NCKAP1L: variants seen among roughly 807,000 people sequenced by gnomAD.
NCKAP1L encodes NCK associated protein 1 like, also known as nck-associated protein 1-like.
Under a neutral mutation model 139.2 loss-of-function variants are expected in NCKAP1L, and 53 were observed. That is an observed-to-expected ratio of 0.38 (90% CI 0.31 to 0.48). The LOEUF is 0.48. Among genes scored for constraint, NCKAP1L ranks in the 20% least tolerant of loss-of-function variants. NCKAP1L has a pLI of 0.98. For missense variants in NCKAP1L, 1,151 were observed against 1,381.9 expected (o/e 0.83, Z 2.65); for synonymous variants, 468 against 499.7 (o/e 0.94, Z 0.85).
Position 54,526,600 on chromosome 12 carries a change from A to C in NCKAP1L, c.2229A>C (p.Gly743=). The part of the protein sequence containing the change: ...EIVRPSELLA[G]VKAYIGFIQS... ...TACGGCCTTCTGAGCTGTTGGCAGG[A>C]GTCAAAGCATACATTGGTTTCATAC... The change falls in exon 21 of 31, where the codon GGA becomes GGC. Residue 743 remains glycine (G), a synonymous_variant. Transcript: ENST00000293373. The C allele has an allele frequency of 6.2e-7, 1 of 1,613,996 alleles. No homozygotes were observed. The highest frequency in any genetic ancestry group is 8.5e-7 in the Non-Finnish European group (1 of 1,180,000).
At chr12:54,523,025 T>C (rs980238940) in intron 18 of NCKAP1L, among the ~76,000 whole-genome samples, 2 of 152,180 alleles carry the variant, frequency 1.3e-5, no homozygotes, top group African/African-American at 2.4e-5. Flanking sequence ...AAATAACTGT[T>C]TTCCTACATT....
At position 54,518,839 on chromosome 12, in the gene NCKAP1L, G is replaced by A. The variant is rs1243923457; in HGVS notation, c.1421-75G>A. 4 of 1,505,478 alleles carry A rather than the reference G, an allele frequency of 2.7e-6. No homozygotes were observed. In the African/African-American group the frequency reaches 4.1e-5, roughly 16 times the overall value. The allele number at this position is 1,505,478 out of a possible 1,614,324, so 93.3% of individuals were successfully genotyped here. A position where few individuals can be genotyped will look rare whatever the true frequency, so the allele number is the denominator to read the frequency against. On this transcript the variant is annotated intron_variant, in intron 14 of 30. Transcript: ENST00000293373. ...AAGTAGGACAAGATGTTTTTGAAGA[G>A]GATCTACCATTCTATGTAGTTGGAT...
rs1421473047 is a variant in NCKAP1L, at chr12:54,546,389, A to C, written c.*3704A>C. 1 of 150,916 alleles carries C rather than the reference A, an allele frequency of 6.6e-6. No individual in the cohort carries two copies. Among genetic ancestry groups the C allele is most frequent in the Non-Finnish European group, 1.5e-5 (1 of 67,916 alleles). The allele number at this position is 150,916 out of a possible 1,614,324, so 9.3% of individuals were successfully genotyped here. A position where few individuals can be genotyped will look rare whatever the true frequency, so the allele number is the denominator to read the frequency against. On this transcript the variant is annotated 3_prime_UTR_variant, in exon 31 of 31. Coordinates refer to ENST00000293373, the MANE Select transcript of NCKAP1L (RefSeq NM_005337.5). Reference sequence around the variant, plus strand: ...AAAAAAAAAAAAAAAAAAATGCAGAAGGTCCAGGGCCTGGCCAAGGGGATG... The same window carrying C: ...AAAAAAAAAAAAAAAAAAATGCAGACGGTCCAGGGCCTGGCCAAGGGGATG...
chr12:54,542,887 T>A lies in NCKAP1L; in HGVS notation c.*202T>A. The stretch of plus-strand genomic sequence containing the variant: ...AGAGCAGTGAGGCAGGCTGGGAGCA[T>A]GGAGGACAGCTTATGGAAAAAGTTA... On this transcript the variant is annotated 3_prime_UTR_variant, in exon 31 of 31. Transcript: ENST00000293373. 1 of 502,166 alleles carries A rather than the reference T, an allele frequency of 2.0e-6. No individual in the cohort carries two copies. Among genetic ancestry groups the A allele is most frequent in the Non-Finnish European group, 3.6e-6 (1 of 281,380 alleles). 31.1% of individuals were successfully genotyped at this position (502,166 alleles called of 1,614,324 possible). A position where few individuals can be genotyped will look rare whatever the true frequency, so the allele number is the denominator to read the frequency against.
intron 5 of NCKAP1L, 114 bp from the exon 6 acceptor site, chr12:54,509,555 T>C: frequency 2.7e-6 from 2 of 730,124 alleles, no homozygotes; most frequent in Non-Finnish European, 4.9e-6. Flanking sequence ...TGTATATCTT[T>C]GGAGGTGGTG....
At position 54,545,452 on chromosome 12, in the gene NCKAP1L, C is replaced by T. The variant is rs1247698172; in HGVS notation, c.*2767C>T. On this transcript the variant is annotated 3_prime_UTR_variant, in exon 31 of 31. Coordinates refer to ENST00000293373, the MANE Select transcript of NCKAP1L (RefSeq NM_005337.5). ...AAGGGAAGACTTGGGTTTTAGAATC[C>T]AGAGACCTTAGAAGGAGCAAATTGG... The T allele has an allele frequency of 6.6e-6, 1 of 152,178 alleles. No homozygotes were observed. The highest frequency in any genetic ancestry group is 1.5e-5 in the Non-Finnish European group (1 of 68,040). 9.4% of individuals were successfully genotyped at this position (152,178 alleles called of 1,614,324 possible).
chr12:54,524,057 A>G (rs1213761244), intron 20 of NCKAP1L, 101 bp downstream of exon 20: 1 of 1,254,478 alleles, frequency 8.0e-7, no homozygotes, highest in Admixed American at 2.1e-5. Context: ...GTCCCATTAC[A>G]TTCATCCTGG....
intron 22 of NCKAP1L, among the ~76,000 whole-genome samples, chr12:54,529,551 A>C (rs1957051842): frequency 6.6e-6 from 1 of 152,094 alleles, no homozygotes. Context: ...CAAAGTACAC[A>C]GTTCTGTTTT....
chr12:54,526,471 G>A (rs1957026278), intron 20 of NCKAP1L, 57 bp from the exon 21 acceptor site: 4 of 1,350,592 alleles, frequency 3.0e-6, no homozygotes, highest in Non-Finnish European at 4.2e-6. Flanking sequence ...CTCAACAATT[G>A]TTACTGTATT....
At position 54,507,868 on chromosome 12, in the gene NCKAP1L, C is replaced by T. The variant is rs753059427; in HGVS notation, c.322C>T (p.Leu108Phe). The change falls in exon 4 of 31, where the codon CTT becomes TTT. Residue 108 changes from leucine (L) to phenylalanine (F), a missense_variant. Physicochemically the swap from Leu to Phe is conservative, Grantham distance 22. Transcript: ENST00000293373. ...VMEFRDHVYELLNTIDACQCH... is the reference protein window; with the variant it reads ...VMEFRDHVYEFLNTIDACQCH... ...CCACCCCCAGGATCATGTATATGAA[C>T]TTCTCAACACCATTGATGCCTGCCA... 35 of 1,613,954 alleles carry T rather than the reference C, an allele frequency of 2.2e-5. No homozygotes were observed. Among genetic ancestry groups the T allele is most frequent in the Non-Finnish European group, 2.8e-5 (33 of 1,179,870 alleles).
chr12:54,506,600 TTA>T (rs980809087), intron 3 of NCKAP1L, among the ~76,000 whole-genome samples: 8 of 147,648 alleles, frequency 5.4e-5, no homozygotes, highest in African/African-American at 1.3e-4. Flanking sequence ...CTAATTTTTT[TTA>T]TTTTTATTTT....
intron 3 of NCKAP1L, among the ~76,000 whole-genome samples, chr12:54,501,537 C>T (rs1956798148): frequency 6.6e-6 from 1 of 150,914 alleles, no homozygotes; most frequent in South Asian, 2.1e-4. Flanking sequence ...TAGGGTCTCA[C>T]TCTGTTGCCC....
chr12:54,528,877 T>C (rs1349692950), intron 22 of NCKAP1L, among the ~76,000 whole-genome samples: 1 of 152,052 alleles, frequency 6.6e-6, no homozygotes, highest in Non-Finnish European at 1.5e-5. Context: ...CCTTGTGATC[T>C]GCCCGCCTCA....
chr12:54,534,385 A>G (rs1401888108), intron 26 of NCKAP1L, among the ~76,000 whole-genome samples: 1 of 152,210 alleles, frequency 6.6e-6, no homozygotes, highest in Non-Finnish European at 1.5e-5. Context: ...TCCCTTCACT[A>G]TGCCATGAGG....
chr12:54,506,796 A>AAACATAT, intron 3 of NCKAP1L, among the ~76,000 whole-genome samples: 1 of 50,606 alleles, frequency 2.0e-5, no homozygotes, highest in African/African-American at 1.1e-4. Context: ...AAAAAAAAAA[A>AAACATAT]ATATATATAT....
chr12:54,506,796 A>T (rs201108172), intron 3 of NCKAP1L, among the ~76,000 whole-genome samples: 1,276 of 50,580 alleles, frequency 0.025, 35 homozygotes, highest in African/African-American at 0.068. Flanking sequence ...AAAAAAAAAA[A>T]ATATATATAT....
At chr12:54,503,559 T>A (rs181072838) in intron 3 of NCKAP1L, among the ~76,000 whole-genome samples, 351 of 151,932 alleles carry the variant, frequency 2.3e-3, no homozygotes, top group Non-Finnish European at 4.1e-3. Flanking sequence ...AAGTTCAGAG[T>A]ATGTGCCCAC....
intron 10 of NCKAP1L, 42 bp from the exon 11 acceptor site, chr12:54,516,854 G>C: frequency 1.9e-6 from 3 of 1,560,098 alleles, no homozygotes; most frequent in Non-Finnish European, 2.6e-6. Context: ...GGGTTTTTAA[G>C]GGTGGGAGAG....
intron 30 of NCKAP1L, among the ~76,000 whole-genome samples, chr12:54,541,518 G>C (rs1020299609): frequency 5.9e-5 from 9 of 152,170 alleles, no homozygotes. Context: ...GAAATTCTTT[G>C]ATATTTAACC....
Sources: gnomAD v4.1 joint callset for allele counts (sites outside exome capture counted in the v4.1 genomes callset) on GRCh38, gnomAD v4.1.1 for gene constraint, MANE v1.5 for transcripts, NCBI Gene and HGNC (gene_info 2026-07-23, HGNC 2026-07-21) for gene names.